ARL5A: variants seen among roughly 807,000 people sequenced by gnomAD.
The protein encoded by ARL5A is ARF like GTPase 5A.
A neutral mutation model predicts 25.9 loss-of-function variants in ARL5A; 18 were observed. That is an observed-to-expected ratio of 0.69 (90% CI 0.48 to 1.03). The LOEUF is 1.03. Among genes scored for constraint, ARL5A ranks in the 50% least tolerant of loss-of-function variants. ARL5A has a pLI of 0.00. For missense variants in ARL5A, 170 were observed against 211.9 expected, an observed-to-expected ratio of 0.80 and a Z score of 1.23; for synonymous variants, 61 against 67.5, an observed-to-expected ratio of 0.90 and a Z score of 0.47.
At chr2:151,809,188 T>C (rs1280610311) in intron 4 of ARL5A, among the ~76,000 whole-genome samples, 3 of 152,236 alleles carry the variant, frequency 2.0e-5, no homozygotes, top group African/African-American at 4.8e-5. Flanking sequence ...AAGTCTTATA[T>C]AGGTCAAGTT....
At position 151,819,082 on chromosome 2, in the gene ARL5A, A is replaced by G. The variant is rs2099831900; in HGVS notation, c.47-3883T>C. Among the ~76,000 whole-genome samples the G allele has an allele frequency of 3.3e-5, 5 of 152,222 alleles. No homozygotes were observed. The South Asian group carries it at 1.0e-3, about 31-fold the overall frequency. On this transcript the variant is annotated intron_variant, in intron 1 of 5. Coordinates refer to ENST00000295087, the MANE Select transcript of ARL5A (RefSeq NM_012097.4). The stretch of plus-strand genomic sequence containing the variant: ...TAAAAACAGTACAAAATTAGCAGGA[A>G]AAGTCCAAAAGGAAACAAAAACATA...
chr2:151,807,296 T>G (rs1366668610), intron 4 of ARL5A, among the ~76,000 whole-genome samples: 1 of 152,170 alleles, frequency 6.6e-6, no homozygotes, highest in Non-Finnish European at 1.5e-5. Flanking sequence ...TTGAGAGCTC[T>G]CCAAAATTTT....
At chr2:151,827,154 G>C (rs2099833174) in intron 1 of ARL5A, among the ~76,000 whole-genome samples, 1 of 152,206 alleles carries the variant, frequency 6.6e-6, no homozygotes, top group African/African-American at 2.4e-5. Flanking sequence ...CCTGACAGCG[G>C]AATGATGAAC....
chr2:151,807,675 C>A (rs2099830270), intron 4 of ARL5A, among the ~76,000 whole-genome samples: 1 of 152,158 alleles, frequency 6.6e-6, no homozygotes, highest in African/African-American at 2.4e-5. Context: ...CCTATTCACC[C>A]TAATTTCTGT....
Position 151,828,197 on chromosome 2 carries a change from C to A in ARL5A, c.-21G>T, listed in dbSNP as rs139927177. ...CCCATTCTCGGGCAGCGGACCCCCC[C>A]CCTCCAGACACCCGGGCCGCCTGGC... On this transcript the variant is annotated 5_prime_UTR_variant, in exon 1 of 6. Coordinates refer to ENST00000295087, the MANE Select transcript of ARL5A (RefSeq NM_012097.4). 23 of 1,605,350 alleles carry A rather than the reference C, an allele frequency of 1.4e-5. No individual in the cohort carries two copies. In the East Asian group the frequency reaches 4.1e-4, roughly 29 times the overall value.
chr2:151,806,964 T>A lies in ARL5A; in HGVS notation c.348A>T (p.Arg116Ser). The A allele has an allele frequency of 6.2e-7, 1 of 1,610,624 alleles. No individual in the cohort carries two copies. The change falls in exon 5 of 6, where the codon AGA becomes AGT. Residue 116 changes from arginine (R) to serine (S), a missense_variant. Physicochemically the swap from Arg to Ser is moderately radical, Grantham distance 110. Transcript: ENST00000295087. ...LYKMLAHEDL[R>S]KAGLLIFANK... ...TAGCAAAAATCAGCAATCCAGCTTT[T>A]CTTAGGTCCTATTAAAGCAAATAAA...
chr2:151,822,352 A>G (rs1015437259), intron 1 of ARL5A, among the ~76,000 whole-genome samples: 1 of 152,184 alleles, frequency 6.6e-6, no homozygotes, highest in African/African-American at 2.4e-5. Context: ...TCTAAGACAT[A>G]GCATGTGGGT....
At chr2:151,808,704 T>C (rs377375334) in intron 4 of ARL5A, among the ~76,000 whole-genome samples, 29 of 152,354 alleles carry the variant, frequency 1.9e-4, no homozygotes, top group African/African-American at 6.3e-4. Flanking sequence ...ATATAGTCAT[T>C]ATCAAGGATA....
At chr2:151,806,618 T>C (rs2099830150) in intron 5 of ARL5A, among the ~76,000 whole-genome samples, 3 of 152,128 alleles carry the variant, frequency 2.0e-5, no homozygotes, top group Admixed American at 2.0e-4. Flanking sequence ...GTTCAGTAGG[T>C]TTATGTGTAT....
At chr2:151,806,684 G>A in intron 5 of ARL5A, 137 bp downstream of exon 5, 2 of 797,690 alleles carry the variant, frequency 2.5e-6, no homozygotes, top group Non-Finnish European at 1.9e-6. Flanking sequence ...TCTGATTATA[G>A]ACATGAACTA....
At chr2:151,819,386 T>G (rs909958522) in intron 1 of ARL5A, among the ~76,000 whole-genome samples, 1 of 152,226 alleles carries the variant, frequency 6.6e-6, no homozygotes, top group Non-Finnish European at 1.5e-5. Context: ...AAGATGAACT[T>G]GACTTTAAAG....
In ARL5A at chr2:151,828,105, G is replaced by T. The variant is rs763878541; in HGVS notation, c.46+26C>A. The T allele has an allele frequency of 3.7e-6, 6 of 1,604,958 alleles. No individual in the cohort carries two copies. The African/African-American group carries it at 5.4e-5, about 14-fold the overall frequency. ...CCCGAGCTGACCCTCTCCCCAACCC[G>T]TACGCCCGCGGACCGAGCTCCTCAC... On this transcript the variant is annotated intron_variant, in intron 1 of 5. Transcript: ENST00000295087.
At chr2:151,806,173 T>C (rs1329141495) in intron 5 of ARL5A, among the ~76,000 whole-genome samples, 1 of 152,166 alleles carries the variant, frequency 6.6e-6, no homozygotes, top group African/African-American at 2.4e-5. Context: ...CACTTCCTTC[T>C]TGAAATACTT....
In ARL5A at chr2:151,812,379, A is replaced by C; in HGVS notation, c.317T>G (p.Leu106Arg). 6.2e-7 allele frequency: 1 copy of C among 1,605,474 alleles called. No individual in the cohort carries two copies. The highest frequency in any genetic ancestry group is 8.5e-7 in the Non-Finnish European group (1 of 1,177,100). The change falls in exon 4 of 6, where the codon CTC (leucine) becomes CGC (arginine). Residue 106 changes from leucine (L) to arginine (R), a missense_variant. Coordinates refer to ENST00000295087, the MANE Select transcript of ARL5A (RefSeq NM_012097.4). ...TACCTCATGCGCTAACATTTTATAG[A>C]GTTCTTCTCTAGTTACAGAAATCCT... ...RERISVTREE[L>R]YKMLAHEDLR... is the part of the protein sequence containing the mutation.
intron 1 of ARL5A, among the ~76,000 whole-genome samples, chr2:151,824,360 T>C (rs77179285): frequency 1.9e-3 from 296 of 152,300 alleles, no homozygotes; most frequent in African/African-American, 6.8e-3. Flanking sequence ...CAATTATCTA[T>C]CTATCACAAA....
In ARL5A at chr2:151,803,267, C is replaced by A; in HGVS notation, c.*9G>T. On this transcript the variant is annotated 3_prime_UTR_variant, in exon 6 of 6. Transcript: ENST00000295087. The stretch of plus-strand genomic sequence containing the variant: ...TTATACAAAATCTATGAGAAGAGGT[C>A]AGTAGAGATCATCTAATCTTAAGTC... 1 of 1,608,052 alleles carries A rather than the reference C, an allele frequency of 6.2e-7. No individual in the cohort carries two copies. Among genetic ancestry groups the A allele is most frequent in the South Asian group, 1.1e-5 (1 of 90,888 alleles).
chr2:151,818,825 G>C (rs2099831869), intron 1 of ARL5A, among the ~76,000 whole-genome samples: 1 of 152,070 alleles, frequency 6.6e-6, no homozygotes, highest in Non-Finnish European at 1.5e-5. Context: ...TCTGATCTCT[G>C]ACTTGGATAA....
At chr2:151,817,946 C>T (rs543886811) in intron 1 of ARL5A, among the ~76,000 whole-genome samples, 13 of 152,188 alleles carry the variant, frequency 8.5e-5, no homozygotes, top group Non-Finnish European at 1.9e-4. Context: ...CGGAGAGTTG[C>T]AGTGAGCCAA....
intron 3 of ARL5A, among the ~76,000 whole-genome samples, chr2:151,813,944 T>C (rs1349757398): frequency 1.3e-5 from 2 of 152,072 alleles, no homozygotes; most frequent in African/African-American, 2.4e-5. Flanking sequence ...CTGAGATCAA[T>C]ACACAATCAG....
Sources: allele counts gnomAD v4.1 joint callset (sites outside exome capture counted in the v4.1 genomes callset), GRCh38; gene constraint gnomAD v4.1.1; transcripts MANE v1.5; gene names NCBI Gene and HGNC (gene_info 2026-07-23, HGNC 2026-07-21).